Variants in RIMBP2 observed in about 807,000 individuals in gnomAD.
RIMBP2 encodes RIMS-binding protein 2.
Under a neutral mutation model 118.6 loss-of-function variants are expected in RIMBP2, and 48 were observed. The ratio of observed to expected loss-of-function variants is 0.40; its 90% CI spans 0.32 to 0.51. The LOEUF is 0.51. RIMBP2 is among the 20% of genes least tolerant of loss of function. The probability of loss-of-function intolerance (pLI) is 0.41; values close to 1 mark genes in which losing one functional copy is unlikely to be tolerated. For synonymous variants in RIMBP2, 762 were observed against 742.9 expected, an observed-to-expected ratio of 1.03 and a Z score of -0.42; for missense variants, 1,551 against 1,768.3, an observed-to-expected ratio of 0.88 and a Z score of 2.20.
In RIMBP2 at chr12:130,566,175, G is replaced by GCACA. The variant is rs3047801; in HGVS notation, c.-216-48262_-216-48259dup. Among the ~76,000 whole-genome samples, 787 of 148,208 alleles carry GCACA rather than the reference G, an allele frequency of 5.3e-3. 7 individuals are homozygous for GCACA. The highest frequency in any genetic ancestry group is 0.017 in the African/African-American group (702 of 40,606). On this transcript the variant is annotated intron_variant, in intron 2 of 22. Coordinates refer to ENST00000690449, the MANE Select transcript of RIMBP2 (RefSeq NM_001393629.1). ...ATTTGTTGCCAATTTATACACACATGCACACACACACACACACACACACAC... is the reference window on the plus strand; with the variant it reads ...ATTTGTTGCCAATTTATACACACATGCACACACACACACACACACACACACACAC...
intron 4 of RIMBP2, among the ~76,000 whole-genome samples, chr12:130,491,640 G>T (rs2048650528): frequency 6.6e-6 from 1 of 152,138 alleles, no homozygotes; most frequent in South Asian, 2.1e-4. Flanking sequence ...GAGTGCAAGG[G>T]GCCCAAGGAT....
intron 2 of RIMBP2, among the ~76,000 whole-genome samples, chr12:130,598,545 G>A (rs1034350642): frequency 3.3e-5 from 5 of 152,056 alleles, no homozygotes; most frequent in East Asian, 1.9e-4. Context: ...TGGCTAACAC[G>A]GTGAAACCCC....
intron 5 of RIMBP2, among the ~76,000 whole-genome samples, chr12:130,473,446 C>T (rs1330636262): frequency 6.6e-6 from 1 of 152,160 alleles, no homozygotes; most frequent in Non-Finnish European, 1.5e-5. Flanking sequence ...GGGGGGATGG[C>T]GCTCACAGAA....
At chr12:130,531,953 G>A (rs1003781497) in intron 2 of RIMBP2, among the ~76,000 whole-genome samples, 1 of 129,820 alleles carries the variant, frequency 7.7e-6, no homozygotes, top group Non-Finnish European at 1.6e-5. Flanking sequence ...TAGGAGGTAC[G>A]TCTAATGAGA....
intron 1 of RIMBP2, among the ~76,000 whole-genome samples, chr12:130,674,659 G>A (rs887654106): frequency 6.6e-6 from 1 of 152,142 alleles, no homozygotes; most frequent in African/African-American, 2.4e-5. Context: ...ATACAATACA[G>A]TGGCATGGAG....
intron 17 of RIMBP2, among the ~76,000 whole-genome samples, chr12:130,417,678 C>A (rs1409243638): frequency 1.3e-5 from 2 of 152,224 alleles, no homozygotes; most frequent in South Asian, 4.1e-4. Flanking sequence ...CAGCATTCTG[C>A]ACTATACCCA....
rs141465925 is a variant in RIMBP2 at position 130,682,873 on chromosome 12, C to T, written c.-352+33349G>A. 9.2e-5 allele frequency among the ~76,000 whole-genome samples: 14 copies of T among 152,382 alleles called. No individual in the cohort carries two copies. In the East Asian group the frequency reaches 2.7e-3, roughly 29 times the overall value. Reference sequence around the variant, plus strand: ...CTGAAATTTCTAATAAGATTGTTCACATCCAAGTATTTCTTTCAGATACGA... The same window carrying T: ...CTGAAATTTCTAATAAGATTGTTCATATCCAAGTATTTCTTTCAGATACGA... On this transcript the variant is annotated intron_variant, in intron 1 of 22. Coordinates refer to ENST00000690449, the MANE Select transcript of RIMBP2 (RefSeq NM_001393629.1).
rs1016379308 is a variant in RIMBP2 at position 130,442,089 on chromosome 12, C to T, written c.1263G>A (p.Gln421=). The stretch of plus-strand genomic sequence containing the variant: ...GTAGCCAGGAGAGCTGGGCGGAGAT[C>T]TGCGTGATGTTGTCCACCCGCAGGT... ...PSHLRVDNIT[Q]ISAQLSWLPT... is the part of the protein sequence containing the mutation. The change falls in exon 11 of 23, where the codon CAG becomes CAA. Residue 421 remains glutamine, a synonymous_variant. Coordinates refer to ENST00000690449, the MANE Select transcript of RIMBP2 (RefSeq NM_001393629.1). This position sits in a 1 kb window ranked among gnomAD's most constrained non-coding sequence, Gnocchi z 6.9. 3.7e-6 allele frequency: 6 copies of T among 1,614,172 alleles called. No homozygotes were observed. Among genetic ancestry groups the T allele is most frequent in the Middle Eastern group, 1.6e-4 (1 of 6,062 alleles).
chr12:130,402,441 C>T (rs1187089867), intron 21 of RIMBP2, among the ~76,000 whole-genome samples: 1 of 152,098 alleles, frequency 6.6e-6, no homozygotes, highest in East Asian at 1.9e-4. Context: ...TGACGTATTT[C>T]GGGCCATGTT....
chr12:130,488,968 C>A (rs10848113), intron 4 of RIMBP2, among the ~76,000 whole-genome samples: 44,547 of 149,752 alleles, frequency 0.3, 6,963 homozygotes, highest in East Asian at 0.52. Flanking sequence ...GGGCTCTTGG[C>A]TCTGCTTTCT....
chr12:130,442,317 C>T lies in RIMBP2; in HGVS notation c.1035G>A (p.Thr345=), dbSNP rs771512469. ...CCACCAGGACGTTGTAGCTGCTCAC[C>T]GTTCCCCATCCTGGTGGCACCGCCG... ...EPPAVPPGWG[T]VSSYNVLVDK... is the part of the protein sequence containing the mutation. The change falls in exon 11 of 23, where the codon ACG becomes ACA. Residue 345 remains threonine, a synonymous_variant. Transcript: ENST00000690449. The surrounding 1 kb of genome is among the most constrained non-coding windows in gnomAD (Gnocchi z 6.9). The T allele has an allele frequency of 8.7e-6, 14 of 1,614,228 alleles. No homozygotes were observed. In the Admixed American group the frequency reaches 1.0e-4, roughly 12 times the overall value.
rs372558682 is a variant in RIMBP2 at position 130,673,165 on chromosome 12, G to A, written c.-352+43057C>T. Among the ~76,000 whole-genome samples, 82 of 152,146 alleles carry A rather than the reference G, an allele frequency of 5.4e-4. 2 individuals are homozygous for A. Among genetic ancestry groups the A allele is most frequent in the Admixed American group, 1.5e-3 (23 of 15,280 alleles). Reference sequence around the variant, plus strand: ...TAAGTTGTTAGAACATCCACACATCGCTCCCCGTTTAGGTTCCTGGTAAAC... The same window carrying A: ...TAAGTTGTTAGAACATCCACACATCACTCCCCGTTTAGGTTCCTGGTAAAC... On this transcript the variant is annotated intron_variant, in intron 1 of 22. Coordinates refer to ENST00000690449, the MANE Select transcript of RIMBP2 (RefSeq NM_001393629.1).
At chr12:130,494,052 G>T (rs1249120724) in intron 4 of RIMBP2, among the ~76,000 whole-genome samples, 1 of 152,168 alleles carries the variant, frequency 6.6e-6, no homozygotes, top group East Asian at 1.9e-4. Flanking sequence ...ATCGGGTGAG[G>T]ATATAAAAAT....
At chr12:130,626,912 C>G (rs2061674287) in intron 2 of RIMBP2, among the ~76,000 whole-genome samples, 1 of 151,800 alleles carries the variant, frequency 6.6e-6, no homozygotes, top group Admixed American at 6.6e-5. Flanking sequence ...ACCATCTTCT[C>G]CATCACGACT....
rs2061009131 is a variant in RIMBP2 at position 130,617,352 on chromosome 12, C to T, written c.-217+10970G>A. Among the ~76,000 whole-genome samples, 1 of 152,228 alleles carries T rather than the reference C, an allele frequency of 6.6e-6. No individual in the cohort carries two copies. Among genetic ancestry groups the T allele is most frequent in the Non-Finnish European group, 1.5e-5 (1 of 68,050 alleles). ...ATCCCTGCCCTTTGCCTCTCACTGA[C>T]ATTTCCTCTCCCTCCTCACTGGAAG... is the stretch of plus-strand genomic sequence containing the variant. On this transcript the variant is annotated intron_variant, in intron 2 of 22. Coordinates refer to ENST00000690449, the MANE Select transcript of RIMBP2 (RefSeq NM_001393629.1). This position sits in a 1 kb window ranked among gnomAD's most constrained non-coding sequence, Gnocchi z 4.6.
At chr12:130,666,773 G>A (rs1389106794) in intron 1 of RIMBP2, among the ~76,000 whole-genome samples, 2 of 133,242 alleles carry the variant, frequency 1.5e-5, no homozygotes, top group African/African-American at 5.8e-5. Context: ...GAAGGAAGGA[G>A]AGAGGGAAGA....
chr12:130,673,510 C>T (rs570495111), intron 1 of RIMBP2, among the ~76,000 whole-genome samples: 80 of 152,304 alleles, frequency 5.3e-4, no homozygotes, highest in Admixed American at 1.9e-3. Context: ...GCTGGGGAAG[C>T]GCCACAGCCC....
intron 2 of RIMBP2, among the ~76,000 whole-genome samples, chr12:130,539,463 C>T (rs925239809): frequency 5.9e-5 from 9 of 152,198 alleles, no homozygotes; most frequent in African/African-American, 1.9e-4. Flanking sequence ...GAGCTCCAGG[C>T]AGAGGGAGCA....
At chr12:130,711,664 A>C (rs1206961426) in intron 1 of RIMBP2, among the ~76,000 whole-genome samples, 1 of 152,242 alleles carries the variant, frequency 6.6e-6, no homozygotes, top group Non-Finnish European at 1.5e-5. Flanking sequence ...AAGTTAAAAT[A>C]GATTTAGATT....
Sources: gnomAD v4.1 joint callset for allele counts (sites outside exome capture counted in the v4.1 genomes callset) on GRCh38, gnomAD v4.1.1 for gene constraint, Gnocchi (gnomAD v3.1) non-coding constraint, MANE v1.5 for transcripts, NCBI Gene and HGNC (gene_info 2026-07-23, HGNC 2026-07-21) for gene names.